The following FHOD3 variants were observed in gnomAD, a reference collection of about 807,000 sequenced individuals.
The protein encoded by FHOD3 is FH1/FH2 domain-containing protein 3.
Under a neutral mutation model 173.0 loss-of-function variants are expected in FHOD3, and 90 were observed. The ratio of observed to expected loss-of-function variants is 0.52; its 90% CI spans 0.44 to 0.62. FHOD3 has a LOEUF of 0.62. FHOD3 is among the 20% of genes least tolerant of loss of function. The probability of loss-of-function intolerance (pLI) is 0.00; values close to 1 mark genes in which losing one functional copy is unlikely to be tolerated. For missense variants in FHOD3, 1,945 were observed against 2,034.7 expected (o/e 0.96, Z 0.85); for synonymous variants, 828 against 823.0 (o/e 1.01, Z -0.10).
rs2042040268 is a variant in FHOD3 at position 36,744,197 on chromosome 18, T to C, written c.4041+4T>C. 6.2e-7 allele frequency: 1 copy of C among 1,611,528 alleles called. No individual in the cohort carries two copies. Among genetic ancestry groups the C allele is most frequent in the African/African-American group, 1.3e-5 (1 of 74,926 alleles). ...GGCCATCACCAGGTCAGCCAAGGTA[T>C]GTCTGTGGACGCTGAGGAGTGGGCC... On this transcript the variant is annotated splice_donor_region_variant and intron_variant, in intron 23 of 28. Coordinates refer to ENST00000590592, the MANE Select transcript of FHOD3 (RefSeq NM_001281740.3).
rs368435855 is a variant in FHOD3 at position 36,713,198 on chromosome 18, A to G, written c.2533+3807A>G. The stretch of plus-strand genomic sequence containing the variant: ...AGGAAAGGACAACAGAATGGGTGAA[A>G]GCAGGGGTAAATAGACTTTCTGCTT... On this transcript the variant is annotated intron_variant, in intron 18 of 28. Transcript: ENST00000590592. 2.4e-4 allele frequency among the ~76,000 whole-genome samples: 37 copies of G among 152,362 alleles called. No homozygotes were observed. The East Asian group carries it at 6.9e-3, about 29-fold the overall frequency.
At chr18:36,763,230 C>T (rs142556436) in intron 27 of FHOD3, among the ~76,000 whole-genome samples, 1,972 of 142,500 alleles carry the variant, frequency 0.014, 48 homozygotes, top group African/African-American at 0.048. Flanking sequence ...ACGTTATATA[C>T]AATATGCGTA....
At chr18:36,408,430 G>T (rs2146828540) in intron 3 of FHOD3, among the ~76,000 whole-genome samples, 1 of 152,268 alleles carries the variant, frequency 6.6e-6, no homozygotes, top group Non-Finnish European at 1.5e-5. Context: ...TGAGGTGGCA[G>T]TGGTGTGGGC....
At chr18:36,732,625 G>A (rs1233617815) in intron 20 of FHOD3, among the ~76,000 whole-genome samples, 1 of 152,194 alleles carries the variant, frequency 6.6e-6, no homozygotes, top group Non-Finnish European at 1.5e-5. Context: ...CCTATCGAAA[G>A]AGTGAGGGCA....
intron 18 of FHOD3, among the ~76,000 whole-genome samples, chr18:36,716,589 G>A (rs2040461123): frequency 6.6e-6 from 1 of 152,174 alleles, no homozygotes; most frequent in Non-Finnish European, 1.5e-5. Flanking sequence ...ACATTTAAAG[G>A]TTAATGATAA....
chr18:36,543,255 T>TAC (rs113041430), intron 5 of FHOD3, among the ~76,000 whole-genome samples: 2,861 of 152,178 alleles, frequency 0.019, 104 homozygotes, highest in African/African-American at 0.065. Context: ...TGTGTATATA[T>TAC]ACATATTATA....
intron 10 of FHOD3, among the ~76,000 whole-genome samples, chr18:36,632,025 A>G (rs767831627): frequency 1.3e-5 from 2 of 152,084 alleles, no homozygotes; most frequent in East Asian, 1.9e-4. Context: ...CTCATACCAA[A>G]CTTGCTGTAA....
intron 17 of FHOD3, among the ~76,000 whole-genome samples, chr18:36,696,604 G>A (rs2039296045): frequency 6.6e-6 from 1 of 152,082 alleles, no homozygotes; most frequent in South Asian, 2.1e-4. Flanking sequence ...GCTTCCCCAG[G>A]TTAATCTGCT....
intron 1 of FHOD3, among the ~76,000 whole-genome samples, chr18:36,316,017 G>A (rs1392712695): frequency 6.6e-6 from 1 of 151,910 alleles, no homozygotes; most frequent in East Asian, 1.9e-4. Flanking sequence ...GAGTGGGAGG[G>A]GAGAAGGAGG....
intron 4 of FHOD3, among the ~76,000 whole-genome samples, chr18:36,504,701 A>G (rs998732450): frequency 6.6e-6 from 1 of 152,084 alleles, no homozygotes; most frequent in Non-Finnish European, 1.5e-5. Flanking sequence ...TATGTAACTA[A>G]CCTGCACATT....
chr18:36,464,427 G>A (rs935168193), intron 3 of FHOD3, among the ~76,000 whole-genome samples: 6 of 152,182 alleles, frequency 3.9e-5, no homozygotes, highest in African/African-American at 1.4e-4. Flanking sequence ...GGCTTGGTAT[G>A]CTTTGTACTG....
chr18:36,418,585 T>G (rs2049799119), intron 3 of FHOD3, among the ~76,000 whole-genome samples: 2 of 152,136 alleles, frequency 1.3e-5, no homozygotes, highest in Admixed American at 6.5e-5. Flanking sequence ...TCAGTTTTTC[T>G]TATAGGTCAC....
intron 16 of FHOD3, among the ~76,000 whole-genome samples, chr18:36,687,715 G>GA (rs2038714671): frequency 1.3e-5 from 2 of 152,130 alleles, no homozygotes; most frequent in Admixed American, 6.5e-5. Context: ...GCATGTAGTT[G>GA]GGACTTAGGA....
chr18:36,778,020 G>C (rs1176934159), intron 28 of FHOD3: 2 of 152,222 alleles, frequency 1.3e-5, no homozygotes, highest in Non-Finnish European at 2.9e-5. Context: ...TTGACCAATT[G>C]ATGGATATTA....
At chr18:36,339,260 T>A (rs935092773) in intron 1 of FHOD3, among the ~76,000 whole-genome samples, 1 of 152,008 alleles carries the variant, frequency 6.6e-6, no homozygotes, top group Non-Finnish European at 1.5e-5. Context: ...TGATTCCAAG[T>A]CATGTTCTAT....
At chr18:36,645,584 A>G (rs1265545788) in intron 10 of FHOD3, among the ~76,000 whole-genome samples, 1 of 152,026 alleles carries the variant, frequency 6.6e-6, no homozygotes, top group Non-Finnish European at 1.5e-5. Flanking sequence ...CCCTCTACCT[A>G]CCTCTTTATA....
intron 5 of FHOD3, among the ~76,000 whole-genome samples, chr18:36,531,590 C>T (rs769907701): frequency 2.6e-5 from 4 of 152,226 alleles, no homozygotes; most frequent in Non-Finnish European, 5.9e-5. Flanking sequence ...GATGCATTTG[C>T]AGTACCTAAG....
At chr18:36,695,669 A>G (rs1459676687) in intron 17 of FHOD3, among the ~76,000 whole-genome samples, 1 of 152,196 alleles carries the variant, frequency 6.6e-6, no homozygotes, top group Non-Finnish European at 1.5e-5. Flanking sequence ...GATTTATAAA[A>G]TTGGACATCG....
chr18:36,493,563 A>G (rs1274686706), intron 3 of FHOD3, among the ~76,000 whole-genome samples: 1 of 152,126 alleles, frequency 6.6e-6, no homozygotes, highest in East Asian at 1.9e-4. Flanking sequence ...CTGGCCAGTC[A>G]TTTTGTAGAG....
Sources: allele counts gnomAD v4.1 joint callset (sites outside exome capture counted in the v4.1 genomes callset), GRCh38; gene constraint gnomAD v4.1.1; transcripts MANE v1.5; gene names NCBI Gene and HGNC (gene_info 2026-07-23, HGNC 2026-07-21).